The following KCNIP4 variants were observed in gnomAD, a reference collection of about 807,000 sequenced individuals.
The protein encoded by KCNIP4 is potassium voltage-gated channel interacting protein 4, also known as Kv channel-interacting protein 4.
Under a neutral mutation model 34.0 loss-of-function variants are expected in KCNIP4, and 12 were observed. The ratio of observed to expected loss-of-function variants is 0.35; its 90% CI spans 0.23 to 0.57. The LOEUF (loss-of-function observed/expected upper bound fraction) is 0.57. Ranked by LOEUF, KCNIP4 falls within the 20% of genes least tolerant of loss-of-function variation. The probability of loss-of-function intolerance (pLI) is 0.83; values close to 1 mark genes in which losing one functional copy is unlikely to be tolerated. For synonymous variants in KCNIP4, 124 were observed against 102.2 expected, an observed-to-expected ratio of 1.21 and a Z score of -1.29; for missense variants, 238 against 311.7, an observed-to-expected ratio of 0.76 and a Z score of 1.78.
chr4:20,998,748 T>C (rs1288660720), intron 1 of KCNIP4, among the ~76,000 whole-genome samples: 1 of 152,232 alleles, frequency 6.6e-6, no homozygotes. Context: ...ATAAGGATAA[T>C]AGTTCTTTGC....
At chr4:21,824,361 C>T (rs114505510) in intron 1 of KCNIP4, among the ~76,000 whole-genome samples, 4 of 152,208 alleles carry the variant, frequency 2.6e-5, no homozygotes, top group South Asian at 2.1e-4. Flanking sequence ...AGCCAGAGGC[C>T]GCAAGATTCT....
intron 5 of KCNIP4, among the ~76,000 whole-genome samples, chr4:20,746,659 G>C (rs1478841857): frequency 6.6e-6 from 1 of 152,086 alleles, no homozygotes; most frequent in Non-Finnish European, 1.5e-5. Context: ...TTATTAAGTA[G>C]CTTTGATTGC....
chr4:21,948,385 C>T (rs1730621935), intron 1 of KCNIP4, among the ~76,000 whole-genome samples, 186 bp downstream of exon 1: 1 of 152,048 alleles, frequency 6.6e-6, no homozygotes, highest in Non-Finnish European at 1.5e-5. Flanking sequence ...TTGCATGCAC[C>T]CCCCTCTCCT....
At chr4:21,458,817 C>A (rs1445606972) in intron 1 of KCNIP4, among the ~76,000 whole-genome samples, 3 of 152,130 alleles carry the variant, frequency 2.0e-5, no homozygotes, top group East Asian at 1.9e-4. Flanking sequence ...TAGAAGCAAT[C>A]AGAAGAGAAC....
intron 1 of KCNIP4, among the ~76,000 whole-genome samples, chr4:21,439,417 C>T (rs926966090): frequency 6.6e-6 from 1 of 152,156 alleles, no homozygotes; most frequent in Non-Finnish European, 1.5e-5. Context: ...GAAACTCTTC[C>T]GTATAATTCA....
intron 1 of KCNIP4, among the ~76,000 whole-genome samples, chr4:21,176,415 G>A (rs1395863749): frequency 2.6e-5 from 4 of 152,102 alleles, no homozygotes; most frequent in African/African-American, 9.7e-5. Context: ...ATAAATTGGG[G>A]CCATATGTTG....
At chr4:21,842,296 T>C (rs1274218336) in intron 1 of KCNIP4, among the ~76,000 whole-genome samples, 1 of 152,150 alleles carries the variant, frequency 6.6e-6, no homozygotes, top group Non-Finnish European at 1.5e-5. Context: ...ATACATTTTA[T>C]ATACAAATAG....
At chr4:21,516,389 C>T (rs1734760365) in intron 1 of KCNIP4, among the ~76,000 whole-genome samples, 1 of 152,150 alleles carries the variant, frequency 6.6e-6, no homozygotes, top group South Asian at 2.1e-4. Context: ...AGAATAAGTC[C>T]TACCACAACA....
intron 1 of KCNIP4, among the ~76,000 whole-genome samples, chr4:21,547,434 T>C (rs1262827242): frequency 3.3e-5 from 5 of 152,106 alleles, no homozygotes; most frequent in African/African-American, 9.7e-5. Flanking sequence ...TTTTTAAAAA[T>C]AGCTCCTTTG....
Position 21,348,338 on chromosome 4 carries a change from C to T in KCNIP4, c.62-465629G>A, listed in dbSNP as rs149972035. ...AGTTATCAAAAGCTTACAAAATAGA[C>T]ACAGTTGTCTCTGCCAGGTTATACT... On this transcript the variant is annotated intron_variant, in intron 1 of 8. Transcript: ENST00000382152. 3.3e-3 allele frequency among the ~76,000 whole-genome samples: 497 copies of T among 152,286 alleles called. 5 individuals are homozygous for T. Among genetic ancestry groups the T allele is most frequent in the Middle Eastern group, 6.8e-3 (2 of 294 alleles).
At chr4:21,933,399 T>C (rs1225287808) in intron 1 of KCNIP4, among the ~76,000 whole-genome samples, 2 of 152,128 alleles carry the variant, frequency 1.3e-5, no homozygotes, top group Non-Finnish European at 2.9e-5. Flanking sequence ...ATTTCACGTA[T>C]GTTCTCTAAC....
chr4:21,714,787 T>G lies in KCNIP4; in HGVS notation c.61+233784A>C, dbSNP rs568638377. Among the ~76,000 whole-genome samples the G allele has an allele frequency of 8.3e-4, 10 of 12,022 alleles. 2 individuals are homozygous for G. In the Admixed American group the frequency reaches 9.3e-3, roughly 11 times the overall value. The allele number at this position is 12,022 out of a possible 152,430, so 7.9% of individuals were successfully genotyped here. ...GAATGTGTTAGTAATTTCCCTTTGA[T>G]TATTTTATTTTATTTTATTTTATTT... On this transcript the variant is annotated intron_variant, in intron 1 of 8. Coordinates refer to ENST00000382152, the MANE Select transcript of KCNIP4 (RefSeq NM_025221.6).
intron 1 of KCNIP4, among the ~76,000 whole-genome samples, chr4:21,237,573 A>C (rs2109039865): frequency 6.6e-6 from 1 of 152,314 alleles, no homozygotes. Context: ...ACAGAAATAG[A>C]AACTACCATC....
intron 1 of KCNIP4, among the ~76,000 whole-genome samples, chr4:21,173,255 G>T (rs1274250668): frequency 2.6e-5 from 4 of 151,928 alleles, no homozygotes; most frequent in African/African-American, 9.7e-5. Flanking sequence ...ATTAAAAAGT[G>T]CTAGGTTTGG....
At chr4:21,725,361 G>T (rs767325493) in intron 1 of KCNIP4, among the ~76,000 whole-genome samples, 1 of 152,130 alleles carries the variant, frequency 6.6e-6, no homozygotes, top group East Asian at 1.9e-4. Context: ...TACCTCAGAT[G>T]TACTTCGAAG....
rs754541664 is a variant in KCNIP4 at position 21,511,202 on chromosome 4, G to A, written c.61+437369C>T. Reference sequence around the variant, plus strand: ...AGGTTTGTTAGCTTTTGAAATAAAGGTATTTCTAGAAACCTGATACTAGGA... The same window carrying A: ...AGGTTTGTTAGCTTTTGAAATAAAGATATTTCTAGAAACCTGATACTAGGA... On this transcript the variant is annotated intron_variant, in intron 1 of 8. Coordinates refer to ENST00000382152, the MANE Select transcript of KCNIP4 (RefSeq NM_025221.6). Among the ~76,000 whole-genome samples, 6 of 152,056 alleles carry A rather than the reference G, an allele frequency of 3.9e-5. 1 individual carries two copies. The South Asian group carries it at 1.0e-3, about 26-fold the overall frequency.
At chr4:21,032,764 T>C (rs533782903) in intron 1 of KCNIP4, among the ~76,000 whole-genome samples, 3 of 74,856 alleles carry the variant, frequency 4.0e-5, no homozygotes, top group Non-Finnish European at 7.6e-5. Context: ...TATCTTAGAG[T>C]TGGGGAAAAG....
At chr4:21,152,975 A>T (rs1386814765) in intron 1 of KCNIP4, among the ~76,000 whole-genome samples, 1 of 152,146 alleles carries the variant, frequency 6.6e-6, no homozygotes, top group African/African-American at 2.4e-5. Context: ...GGGGACCACT[A>T]ATTTAAAGAA....
At chr4:21,029,607 T>A (rs1332087340) in intron 1 of KCNIP4, among the ~76,000 whole-genome samples, 1 of 152,192 alleles carries the variant, frequency 6.6e-6, no homozygotes, top group East Asian at 1.9e-4. Flanking sequence ...CCAAGAGTTG[T>A]CTATCACCAA....
Sources: gnomAD v4.1 joint callset for allele counts (sites outside exome capture counted in the v4.1 genomes callset) on GRCh38, gnomAD v4.1.1 for gene constraint, MANE v1.5 for transcripts, NCBI Gene and HGNC (gene_info 2026-07-23, HGNC 2026-07-21) for gene names.